PIGU: variants seen among roughly 807,000 people sequenced by gnomAD.
PIGU encodes GPI-anchor transamidase component PIGU.
In PIGU, 24 loss-of-function variants were observed where a neutral mutation model predicts 49.9. The observed-to-expected ratio is 0.48, with a 90% confidence interval of 0.35 to 0.68. The LOEUF is 0.68. Ranked by LOEUF, PIGU falls within the 30% of genes least tolerant of loss-of-function variation. The pLI is 0.01. For missense variants in PIGU, 490 were observed against 532.6 expected, an observed-to-expected ratio of 0.92 and a Z score of 0.79; for synonymous variants, 220 against 205.7, an observed-to-expected ratio of 1.07 and a Z score of -0.59.
intron 5 of PIGU, among the ~76,000 whole-genome samples, chr20:34,637,414 C>T (rs759177195): frequency 1.2e-4 from 18 of 152,170 alleles, no homozygotes; most frequent in Admixed American, 9.8e-4. Flanking sequence ...TCAGTAAGTT[C>T]CAGTCTTCCA....
At chr20:34,564,767 C>T (rs1020683653) in intron 11 of PIGU, among the ~76,000 whole-genome samples, 3 of 152,176 alleles carry the variant, frequency 2.0e-5, no homozygotes, top group Non-Finnish European at 4.4e-5. Flanking sequence ...TGGTGGACTC[C>T]CGCTGGTGGG....
At chr20:34,671,969 G>A (rs1451271601) in intron 1 of PIGU, among the ~76,000 whole-genome samples, 1 of 152,042 alleles carries the variant, frequency 6.6e-6, no homozygotes, top group Non-Finnish European at 1.5e-5. Flanking sequence ...GTCTCACTCT[G>A]TCACCTAGGA....
intron 1 of PIGU, among the ~76,000 whole-genome samples, chr20:34,661,546 T>TC (rs1491109632): frequency 6.6e-6 from 1 of 151,646 alleles, no homozygotes; most frequent in Non-Finnish European, 1.5e-5. Flanking sequence ...ATGAGCTCAT[T>TC]CTTTTTTTTT....
chr20:34,575,959 T>C (rs1983214815), intron 10 of PIGU, among the ~76,000 whole-genome samples: 1 of 152,196 alleles, frequency 6.6e-6, no homozygotes, highest in African/African-American at 2.4e-5. Flanking sequence ...AACAGGAGTG[T>C]AGCATGGCAG....
At chr20:34,638,898 G>T (rs913004904) in intron 4 of PIGU, among the ~76,000 whole-genome samples, 1 of 152,086 alleles carries the variant, frequency 6.6e-6, no homozygotes, top group Non-Finnish European at 1.5e-5. Context: ...AACCAAAATC[G>T]GTGGCCCTGT....
chr20:34,596,965 T>C lies in PIGU; in HGVS notation c.628-8358A>G, dbSNP rs555743566. On this transcript the variant is annotated intron_variant, in intron 7 of 11. Coordinates refer to ENST00000217446, the MANE Select transcript of PIGU (RefSeq NM_080476.5). ...ACTTCACGAAGATATACCACTAGAATTGCCAACATTAAAAAGATCGATACC... is the reference window on the plus strand; with the variant it reads ...ACTTCACGAAGATATACCACTAGAACTGCCAACATTAAAAAGATCGATACC... 1.2e-4 allele frequency among the ~76,000 whole-genome samples: 19 copies of C among 152,288 alleles called. No homozygotes were observed. The Middle Eastern group carries it at 0.017, about 136-fold the overall frequency.
intron 11 of PIGU, among the ~76,000 whole-genome samples, chr20:34,565,051 G>A (rs1031621257): frequency 2.6e-5 from 4 of 152,202 alleles, no homozygotes; most frequent in Non-Finnish European, 5.9e-5. Flanking sequence ...TTTCCCAGAG[G>A]CCCTAGGGTG....
chr20:34,668,483 A>AAGG (rs1412365978), intron 1 of PIGU, among the ~76,000 whole-genome samples: 5 of 88,722 alleles, frequency 5.6e-5, no homozygotes, highest in African/African-American at 1.1e-4. Context: ...AAAAAAAAAA[A>AAGG]GGGGGGGGCG....
intron 8 of PIGU, among the ~76,000 whole-genome samples, chr20:34,585,870 C>T (rs532737910): frequency 2.0e-5 from 3 of 152,310 alleles, no homozygotes; most frequent in East Asian, 3.9e-4. Flanking sequence ...TGTTTTACTG[C>T]GCAAGACAGT....
At chr20:34,653,644 T>C (rs1380672606) in intron 2 of PIGU, among the ~76,000 whole-genome samples, 2 of 152,164 alleles carry the variant, frequency 1.3e-5, no homozygotes, top group Non-Finnish European at 2.9e-5. Flanking sequence ...AACAAATCTT[T>C]ACTAAAGGAA....
chr20:34,642,539 A>T (rs1457869623), intron 4 of PIGU, among the ~76,000 whole-genome samples: 1 of 151,736 alleles, frequency 6.6e-6, no homozygotes, highest in Non-Finnish European at 1.5e-5. Context: ...CTTTCATTAA[A>T]ACACAGTTCA....
At chr20:34,579,399 C>T (rs1983368618) in intron 10 of PIGU, 1 of 152,178 alleles carries the variant, frequency 6.6e-6, no homozygotes, top group Non-Finnish European at 1.5e-5. Flanking sequence ...CTCCACTGCA[C>T]AGGAAAACAG....
chr20:34,652,446 G>GT (rs1051881763), intron 2 of PIGU, among the ~76,000 whole-genome samples: 54 of 152,218 alleles, frequency 3.5e-4, no homozygotes, highest in African/African-American at 1.3e-3. Context: ...TTCACTATTA[G>GT]TTTTGTTTTC....
At chr20:34,645,416 A>G in intron 2 of PIGU, 82 bp from the exon 3 acceptor site, 1 of 1,431,574 alleles carries the variant, frequency 7.0e-7, no homozygotes, top group South Asian at 1.6e-5. Flanking sequence ...GTGGGGAGAA[A>G]ACTATTATGT....
intron 7 of PIGU, among the ~76,000 whole-genome samples, chr20:34,611,746 C>A (rs1984824395): frequency 6.6e-6 from 1 of 150,856 alleles, no homozygotes; most frequent in Non-Finnish European, 1.5e-5. Flanking sequence ...ATTTATGTGG[C>A]CAAGAAACAT....
At position 34,642,285 on chromosome 20, in the gene PIGU, C is replaced by T. The variant is rs77984479; in HGVS notation, c.318+1879G>A. On this transcript the variant is annotated intron_variant, in intron 4 of 11. Coordinates refer to ENST00000217446, the MANE Select transcript of PIGU (RefSeq NM_080476.5). ...AGTGCAGTGGCATGACCACAGCTCA[C>T]TGCAGCCTTGACCTCCCATGCTCAA... Among the ~76,000 whole-genome samples, 53 of 152,226 alleles carry T rather than the reference C, an allele frequency of 3.5e-4. No individual in the cohort carries two copies. The East Asian group carries it at 0.01, about 29-fold the overall frequency.
At position 34,560,845 on chromosome 20, in the gene PIGU, G is replaced by A; in HGVS notation, c.*21C>T. The A allele has an allele frequency of 4.5e-6, 7 of 1,547,032 alleles. No individual in the cohort carries two copies. The highest frequency in any genetic ancestry group is 6.2e-6 in the Non-Finnish European group (7 of 1,129,360). On this transcript the variant is annotated 3_prime_UTR_variant, in exon 12 of 12. Coordinates refer to ENST00000217446, the MANE Select transcript of PIGU (RefSeq NM_080476.5). ...GGCCCCACAGCCCCCTGAGGTCCAT[G>A]CAGCCCTGTGCCAGCCAGGCCTACT...
At chr20:34,574,165 A>G (rs184997386) in intron 11 of PIGU, among the ~76,000 whole-genome samples, 417 of 152,344 alleles carry the variant, frequency 2.7e-3, no homozygotes, top group African/African-American at 9.0e-3. Context: ...GCCTGACCTG[A>G]GAGAAGGCAG....
rs756073878 is a variant in PIGU, at chr20:34,616,080, G to A, written c.589C>T (p.Leu197Phe). The A allele has an allele frequency of 9.3e-6, 15 of 1,613,000 alleles. No homozygotes were observed. Among genetic ancestry groups the A allele is most frequent in the South Asian group, 1.1e-5 (1 of 90,822 alleles). ...ALATYQSLYP[L>F]TLFVPGLLYL... Reference sequence around the variant, plus strand: ...AGGAGTCCTGGGACAAACAAGGTGAGTGGGTACAGAGACTGGTATGTCGCT... The same window carrying A: ...AGGAGTCCTGGGACAAACAAGGTGAATGGGTACAGAGACTGGTATGTCGCT... Residue 197 changes from leucine (L) to phenylalanine (F), a missense_variant, in exon 7 of 12, where the codon CTC becomes TTC. Transcript: ENST00000217446.
Sources: allele counts gnomAD v4.1 joint callset (sites outside exome capture counted in the v4.1 genomes callset), GRCh38; gene constraint gnomAD v4.1.1; transcripts MANE v1.5; gene names NCBI Gene and HGNC (gene_info 2026-07-23, HGNC 2026-07-21).